Variants in EXT1 observed in about 807,000 individuals in gnomAD.
The protein encoded by EXT1 is exostosin-1.
In EXT1, 20 loss-of-function variants were observed where a neutral mutation model predicts 82.5. The observed-to-expected ratio is 0.24, with a 90% CI of 0.17 to 0.35. The LOEUF is 0.35. Among genes scored for constraint, EXT1 ranks in the 10% least tolerant of loss-of-function variants. The pLI, the probability that EXT1 is intolerant of heterozygous loss-of-function variation, is 1.00. For synonymous variants in EXT1, 348 were observed against 350.8 expected (o/e 0.99, Z 0.09); for missense variants, 757 against 936.5 (o/e 0.81, Z 2.50).
chr8:118,080,589 G>C (rs6995707), intron 1 of EXT1, among the ~76,000 whole-genome samples: 1 of 152,044 alleles, frequency 6.6e-6, no homozygotes, highest in Non-Finnish European at 1.5e-5. Context: ...TTCTGCAGGC[G>C]TTGGGCATAA....
rs1563659931 is a variant in EXT1 at position 118,111,070 on chromosome 8, T to C, written c.-24A>G. ...ATGTGTCCTGCCTGGGTCAAGAGGA[T>C]TGTAAATAAACACAAGAATCACCCA... On this transcript the variant is annotated 5_prime_UTR_variant, in exon 1 of 11. Transcript: ENST00000378204. 2 of 1,570,894 alleles carry C rather than the reference T, an allele frequency of 1.3e-6. No individual in the cohort carries two copies. The highest frequency in any genetic ancestry group is 4.6e-5 in the East Asian group (2 of 43,376).
intron 1 of EXT1, among the ~76,000 whole-genome samples, chr8:117,940,862 G>GA (rs1185135770): frequency 1.3e-5 from 2 of 152,102 alleles, no homozygotes; most frequent in Non-Finnish European, 2.9e-5. Context: ...TAGGCTGCTG[G>GA]GATCTTGCAG....
At chr8:118,084,776 G>C (rs1817389273) in intron 1 of EXT1, among the ~76,000 whole-genome samples, 1 of 152,128 alleles carries the variant, frequency 6.6e-6, no homozygotes, top group Admixed American at 6.5e-5. Context: ...CACGACTCTG[G>C]GCAAGTCATT....
rs1823294309 is a variant in EXT1, at chr8:117,809,822, A to T, written c.1723-2445T>A. Reference sequence around the variant, plus strand: ...ACTAGTGGTCAATACTAATGGAGACAACTGATGGGACAGTATATTATGCAG... The same window carrying T: ...ACTAGTGGTCAATACTAATGGAGACTACTGATGGGACAGTATATTATGCAG... On this transcript the variant is annotated intron_variant, in intron 8 of 10. Coordinates refer to ENST00000378204, the MANE Select transcript of EXT1 (RefSeq NM_000127.3). 2.0e-5 allele frequency among the ~76,000 whole-genome samples: 3 copies of T among 152,260 alleles called. No individual in the cohort carries two copies. The South Asian group carries it at 6.2e-4, about 32-fold the overall frequency.
chr8:117,975,284 T>C (rs1325160019), intron 1 of EXT1, among the ~76,000 whole-genome samples: 1 of 152,216 alleles, frequency 6.6e-6, no homozygotes, highest in Non-Finnish European at 1.5e-5. Context: ...AGTGATTTTC[T>C]GGTGTGGTTT....
chr8:117,879,373 A>G (rs1813022763), intron 1 of EXT1, among the ~76,000 whole-genome samples: 1 of 152,148 alleles, frequency 6.6e-6, no homozygotes, highest in African/African-American at 2.4e-5. Context: ...GTTAGAGAAA[A>G]CTAATTTTTC....
chr8:118,039,162 T>C (rs1816480574), intron 1 of EXT1, among the ~76,000 whole-genome samples: 2 of 152,262 alleles, frequency 1.3e-5, no homozygotes, highest in Admixed American at 6.5e-5. Flanking sequence ...TGTGCCATCA[T>C]CTAATTCTGA....
At chr8:118,110,006 A>AT in intron 1 of EXT1, 79 bp downstream of exon 1, 1 of 1,608,234 alleles carries the variant, frequency 6.2e-7, no homozygotes, top group Admixed American at 1.7e-5. Context: ...CCCTCACCCC[A>AT]TCCCCCAACT....
At chr8:117,922,810 G>A (rs1433713189) in intron 1 of EXT1, among the ~76,000 whole-genome samples, 2 of 152,078 alleles carry the variant, frequency 1.3e-5, no homozygotes, top group Non-Finnish European at 2.9e-5. Flanking sequence ...ACTGCGTACC[G>A]TCCAATATTC....
chr8:117,919,850 T>C (rs116438884), intron 1 of EXT1, among the ~76,000 whole-genome samples: 2,051 of 152,296 alleles, frequency 0.013, 53 homozygotes, highest in African/African-American at 0.047. Flanking sequence ...TTCCAAATTA[T>C]ATGAAATGAA....
chr8:118,062,241 T>C (rs1288920601), intron 1 of EXT1, among the ~76,000 whole-genome samples: 2 of 152,204 alleles, frequency 1.3e-5, no homozygotes, highest in East Asian at 3.8e-4. Flanking sequence ...CTAAACTACA[T>C]GGACAGCTCA....
chr8:117,820,223 T>TG (rs1315492741), intron 5 of EXT1, among the ~76,000 whole-genome samples: 2 of 151,918 alleles, frequency 1.3e-5, no homozygotes, highest in Non-Finnish European at 2.9e-5. Flanking sequence ...AACTAGCTAG[T>TG]GGGAAAAAAG....
chr8:117,804,629 C>T, intron 10 of EXT1, 93 bp downstream of exon 10: 1 of 1,401,978 alleles, frequency 7.1e-7, no homozygotes, highest in Non-Finnish European at 1.0e-6. Flanking sequence ...TTATATGCTC[C>T]TGGGTGGAAC....
chr8:117,817,219 A>G (rs1444843737), intron 7 of EXT1, among the ~76,000 whole-genome samples: 1 of 152,152 alleles, frequency 6.6e-6, no homozygotes, highest in Non-Finnish European at 1.5e-5. Flanking sequence ...CACAGTAGGC[A>G]CTCATAAATG....
chr8:117,923,605 A>G (rs973554450), intron 1 of EXT1, among the ~76,000 whole-genome samples: 1 of 151,522 alleles, frequency 6.6e-6, no homozygotes, highest in Non-Finnish European at 1.5e-5. Flanking sequence ...GGTTGCCTGT[A>G]GTCCCAGCTA....
At chr8:117,989,324 C>T (rs1022919869) in intron 1 of EXT1, among the ~76,000 whole-genome samples, 12 of 151,802 alleles carry the variant, frequency 7.9e-5, no homozygotes, top group African/African-American at 2.2e-4. Context: ...CAAAAGCCAG[C>T]GAAGGGGTCT....
intron 1 of EXT1, among the ~76,000 whole-genome samples, chr8:118,018,270 T>C (rs888086055): frequency 1.3e-5 from 2 of 152,196 alleles, no homozygotes; most frequent in East Asian, 3.9e-4. Context: ...TAAGCCAATA[T>C]GAATGGTGTC....
chr8:117,873,136 G>C (rs1056834637), intron 1 of EXT1, among the ~76,000 whole-genome samples: 17 of 152,108 alleles, frequency 1.1e-4, no homozygotes, highest in Non-Finnish European at 2.5e-4. Flanking sequence ...ATGAGAATAC[G>C]ATGACAAGCC....
At chr8:117,879,765 A>G (rs1007675993) in intron 1 of EXT1, among the ~76,000 whole-genome samples, 2 of 152,200 alleles carry the variant, frequency 1.3e-5, no homozygotes, top group Non-Finnish European at 2.9e-5. Context: ...AACTAGAAAT[A>G]GTTCAGATCA....
Sources: gnomAD v4.1 joint callset for allele counts (sites outside exome capture counted in the v4.1 genomes callset) on GRCh38, gnomAD v4.1.1 for gene constraint, MANE v1.5 for transcripts, NCBI Gene and HGNC (gene_info 2026-07-23, HGNC 2026-07-21) for gene names.